Variants in GM2A observed in about 807,000 individuals in gnomAD.
GM2A encodes GM2 ganglioside activator.
A neutral mutation model predicts 12.9 loss-of-function variants in GM2A; 7 were observed. That is an observed-to-expected ratio of 0.54 (90% CI 0.31 to 1.02). The LOEUF is 1.02. GM2A is among the 50% of genes least tolerant of loss of function. GM2A has a pLI of 0.05. For synonymous variants in GM2A, 101 were observed against 96.0 expected, an observed-to-expected ratio of 1.05 and a Z score of -0.30; for missense variants, 246 against 241.0, an observed-to-expected ratio of 1.02 and a Z score of -0.14.
At position 151,259,847 on chromosome 5, in the gene GM2A, C is replaced by T. The variant is rs752989938; in HGVS notation, c.174C>T (p.Ile58=). ...GCCTGACTCTGGAGCCTGACCCCAT[C>T]ATCGTTCCTGGAAATGTGACCCTCA... ...IRSLTLEPDP[I]IVPGNVTLSV... Residue 58 remains isoleucine, a synonymous_variant, in exon 2 of 4, where the codon ATC becomes ATT. Transcript: ENST00000357164. The T allele has an allele frequency of 1.2e-5, 19 of 1,612,848 alleles. No homozygotes were observed. Among genetic ancestry groups the T allele is most frequent in the South Asian group, 6.6e-5 (6 of 91,058 alleles).
intron 1 of GM2A, among the ~76,000 whole-genome samples, chr5:151,258,389 A>G (rs1753731152): frequency 6.6e-6 from 1 of 152,270 alleles, no homozygotes; most frequent in Non-Finnish European, 1.5e-5. Context: ...TTTAGACTCC[A>G]AAGGGGAAAC....
chr5:151,258,617 T>G (rs1753737171), intron 1 of GM2A, among the ~76,000 whole-genome samples: 1 of 152,126 alleles, frequency 6.6e-6, no homozygotes, highest in Non-Finnish European at 1.5e-5. Flanking sequence ...TGGTCATGGA[T>G]CACAGATCTA....
At chr5:151,255,123 G>A (rs1297028193) in intron 1 of GM2A, among the ~76,000 whole-genome samples, 1 of 152,134 alleles carries the variant, frequency 6.6e-6, no homozygotes, top group Non-Finnish European at 1.5e-5. Context: ...GCAACATGGT[G>A]AAGCCCCATC....
At chr5:151,266,447 C>CAAAAAAAAAAAAAAAAAAA (rs59997121) in intron 2 of GM2A, among the ~76,000 whole-genome samples, 2 of 106,156 alleles carry the variant, frequency 1.9e-5, no homozygotes, top group Admixed American at 9.8e-5. Context: ...AGCCATGATA[C>CAAAAAAAAAAAAAAAAAAA]AAAAAAAAAA....
rs561047446 is a variant in GM2A at position 151,269,666 on chromosome 5, T to A, written c.*2215T>A. 8 of 176,010 alleles carry A rather than the reference T, an allele frequency of 4.5e-5. No individual in the cohort carries two copies. In the Admixed American group the frequency reaches 5.2e-4, roughly 11 times the overall value. The allele number at this position is 176,010 out of a possible 1,614,324, so 10.9% of individuals were successfully genotyped here. The stretch of plus-strand genomic sequence containing the variant: ...AGCAGGCATCTGGTTCCAGATTTCT[T>A]TTCCCCGAAAAAAACCTTAGAAGTA... On this transcript the variant is annotated 3_prime_UTR_variant, in exon 4 of 4. Transcript: ENST00000357164.
At chr5:151,258,019 A>G (rs1041699464) in intron 1 of GM2A, among the ~76,000 whole-genome samples, 1 of 152,224 alleles carries the variant, frequency 6.6e-6, no homozygotes, top group Non-Finnish European at 1.5e-5. Flanking sequence ...CACTCTTGCC[A>G]CAGCACTTAG....
In GM2A at chr5:151,269,472, C is replaced by T. The variant is rs1390127072; in HGVS notation, c.*2021C>T. On this transcript the variant is annotated 3_prime_UTR_variant, in exon 4 of 4. Coordinates refer to ENST00000357164, the MANE Select transcript of GM2A (RefSeq NM_000405.5). ...TTTGCTTTCCATCACATCATGACTG[C>T]GGAGAGCAAAAATCACCTAGTGACC... 3 of 983,370 alleles carry T rather than the reference C, an allele frequency of 3.1e-6. No individual in the cohort carries two copies. Among genetic ancestry groups the T allele is most frequent in the African/African-American group, 1.8e-5 (1 of 57,126 alleles). 60.9% of individuals were successfully genotyped at this position (983,370 alleles called of 1,614,324 possible).
rs944419774 is a variant in GM2A at position 151,268,338 on chromosome 5, A to T, written c.*887A>T. On this transcript the variant is annotated 3_prime_UTR_variant, in exon 4 of 4. Coordinates refer to ENST00000357164, the MANE Select transcript of GM2A (RefSeq NM_000405.5). ...CCCGGCTAATTTGTGTATTTTTAGT[A>T]GAGATGGGGTTTCACCATGTTGGCC... is the stretch of plus-strand genomic sequence containing the variant. The T allele has an allele frequency of 2.3e-6, 1 of 433,960 alleles. No individual in the cohort carries two copies. Among genetic ancestry groups the T allele is most frequent in the Non-Finnish European group, 3.1e-6 (1 of 326,434 alleles). 26.9% of individuals were successfully genotyped at this position (433,960 alleles called of 1,614,324 possible).
rs778041179 is a variant in GM2A at position 151,259,849 on chromosome 5, T to C, written c.176T>C (p.Ile59Thr). ...CTGACTCTGGAGCCTGACCCCATCATCGTTCCTGGAAATGTGACCCTCAGT... is the reference window on the plus strand; with the variant it reads ...CTGACTCTGGAGCCTGACCCCATCACCGTTCCTGGAAATGTGACCCTCAGT... ...RSLTLEPDPI[I>T]VPGNVTLSVM... Residue 59 changes from isoleucine (I) to threonine (T), a missense_variant, in exon 2 of 4, where the codon ATC becomes ACC. Coordinates refer to ENST00000357164, the MANE Select transcript of GM2A (RefSeq NM_000405.5). 1.8e-5 allele frequency: 29 copies of C among 1,613,386 alleles called. No individual in the cohort carries two copies. Among genetic ancestry groups the C allele is most frequent in the Non-Finnish European group, 2.5e-5 (29 of 1,179,462 alleles).
Position 151,268,619 on chromosome 5 carries a change from T to G in GM2A, c.*1168T>G. On this transcript the variant is annotated 3_prime_UTR_variant, in exon 4 of 4. Transcript: ENST00000357164. ...TCAGTTGGAGAGTGCATAGCCAGTC[T>G]GTGAAGACAACTGCCAGATACTGGC... 2.4e-6 allele frequency: 2 copies of G among 850,458 alleles called. No individual in the cohort carries two copies. Among genetic ancestry groups the G allele is most frequent in the Non-Finnish European group, 2.8e-6 (2 of 706,714 alleles). The allele number at this position is 850,458 out of a possible 1,614,324, so 52.7% of individuals were successfully genotyped here.
chr5:151,255,488 C>G (rs1753668555), intron 1 of GM2A, among the ~76,000 whole-genome samples: 1 of 152,036 alleles, frequency 6.6e-6, no homozygotes, highest in Admixed American at 6.5e-5. Flanking sequence ...ATACTGAAAG[C>G]AGGGAGGCTT....
At chr5:151,265,037 C>T (rs560056305) in intron 2 of GM2A, among the ~76,000 whole-genome samples, 33 of 151,764 alleles carry the variant, frequency 2.2e-4, no homozygotes, top group Admixed American at 1.1e-3. Flanking sequence ...AGTAACTCAC[C>T]CAAGGGCACA....
chr5:151,253,216 G>C lies in GM2A; in HGVS notation c.-1G>C. The C allele has an allele frequency of 1.2e-6, 2 of 1,613,424 alleles. No homozygotes were observed. Among genetic ancestry groups the C allele is most frequent in the East Asian group, 2.2e-5 (1 of 44,874 alleles). On this transcript the variant is annotated 5_prime_UTR_variant, in exon 1 of 4. Transcript: ENST00000357164. ...AACTCCGCCCTGACCCACCCTTCCC[G>C]ATGCAGTCCCTGATGCAGGCTCCCC...
chr5:151,262,984 C>A (rs1217230705), intron 2 of GM2A, among the ~76,000 whole-genome samples: 1 of 152,090 alleles, frequency 6.6e-6, no homozygotes, highest in Non-Finnish European at 1.5e-5. Flanking sequence ...TGCTTTATTA[C>A]CTTTCATAAA....
At chr5:151,258,681 A>G (rs916158842) in intron 1 of GM2A, among the ~76,000 whole-genome samples, 1 of 152,156 alleles carries the variant, frequency 6.6e-6, no homozygotes, top group Non-Finnish European at 1.5e-5. Flanking sequence ...CAAAACCCCC[A>G]TATCCCCAGC....
chr5:151,267,332 C>G lies in GM2A; in HGVS notation c.463C>G (p.Pro155Ala). ...YSLPKSEFVV[P>A]DLELPSWLTT... The stretch of plus-strand genomic sequence containing the variant: ...ACTGCCCAAGAGCGAATTCGTTGTG[C>G]CTGACCTGGAGCTGCCCAGTTGGCT... Residue 155 changes from proline to alanine, a missense_variant, in exon 4 of 4, where the codon CCT becomes GCT. Physicochemically the swap from Pro to Ala is conservative, Grantham distance 27 (BLOSUM62 -1). Coordinates refer to ENST00000357164, the MANE Select transcript of GM2A (RefSeq NM_000405.5). 6.2e-7 allele frequency: 1 copy of G among 1,614,164 alleles called. No individual in the cohort carries two copies. Among genetic ancestry groups the G allele is most frequent in the South Asian group, 1.1e-5 (1 of 91,082 alleles).
At chr5:151,265,398 C>T (rs926174411) in intron 2 of GM2A, among the ~76,000 whole-genome samples, 6 of 152,192 alleles carry the variant, frequency 3.9e-5, no homozygotes, top group African/African-American at 1.4e-4. Flanking sequence ...AGGATTTAAT[C>T]TCTTAGAAAC....
At chr5:151,255,328 C>G (rs1045060957) in intron 1 of GM2A, among the ~76,000 whole-genome samples, 1 of 152,168 alleles carries the variant, frequency 6.6e-6, no homozygotes, top group African/African-American at 2.4e-5. Context: ...AAACAAAAAC[C>G]CGATTCCATT....
At position 151,268,340 on chromosome 5, in the gene GM2A, A is replaced by C; in HGVS notation, c.*889A>C. 4 of 442,340 alleles carry C rather than the reference A, an allele frequency of 9.0e-6. No homozygotes were observed. Among genetic ancestry groups the C allele is most frequent in the Non-Finnish European group, 1.2e-5 (4 of 333,996 alleles). The allele number at this position is 442,340 out of a possible 1,614,324, so 27.4% of individuals were successfully genotyped here. A position where few individuals can be genotyped will look rare whatever the true frequency, so the allele number is the denominator to read the frequency against. On this transcript the variant is annotated 3_prime_UTR_variant, in exon 4 of 4. Transcript: ENST00000357164. ...CGGCTAATTTGTGTATTTTTAGTAG[A>C]GATGGGGTTTCACCATGTTGGCCAG... is the stretch of plus-strand genomic sequence containing the variant.
Sources: gnomAD v4.1 joint callset for allele counts (sites outside exome capture counted in the v4.1 genomes callset) on GRCh38, gnomAD v4.1.1 for gene constraint, MANE v1.5 for transcripts, NCBI Gene and HGNC (gene_info 2026-07-23, HGNC 2026-07-21) for gene names.